Variants in DCDC2 observed in about 807,000 individuals in gnomAD.
DCDC2 encodes doublecortin domain containing 2, also known as doublecortin domain-containing protein 2.
A neutral mutation model predicts 50.2 loss-of-function variants in DCDC2; 40 were observed. The ratio of observed to expected loss-of-function variants is 0.80; its 90% CI spans 0.62 to 1.04. DCDC2 has a LOEUF of 1.04. Ranked by LOEUF, DCDC2 falls within the 50% of genes least tolerant of loss-of-function variation. The pLI, the probability that DCDC2 is intolerant of heterozygous loss-of-function variation, is 0.00. For synonymous variants in DCDC2, 234 were observed against 210.6 expected (o/e 1.11, Z -0.96); for missense variants, 570 against 581.9 (o/e 0.98, Z 0.21).
At chr6:24,185,724 C>CAT (rs1761188670) in intron 8 of DCDC2, among the ~76,000 whole-genome samples, 2 of 140,026 alleles carry the variant, frequency 1.4e-5, no homozygotes, top group African/African-American at 5.7e-5. Flanking sequence ...CACACACACA[C>CAT]ACATATACAC....
At chr6:24,248,204 T>C (rs191177607) in intron 7 of DCDC2, among the ~76,000 whole-genome samples, 3 of 152,350 alleles carry the variant, frequency 2.0e-5, no homozygotes, top group Admixed American at 6.5e-5. Context: ...AATGAAAATA[T>C]GCTGTGAAGT....
At chr6:24,285,331 T>G (rs1316961423) in intron 6 of DCDC2, among the ~76,000 whole-genome samples, 1 of 152,256 alleles carries the variant, frequency 6.6e-6, no homozygotes, top group Non-Finnish European at 1.5e-5. Context: ...ACTGAGTCTT[T>G]GCTTAACGTC....
chr6:24,374,683 A>G, the DCDC2 span, among the ~76,000 whole-genome samples: 2 of 151,970 alleles, frequency 1.3e-5, no homozygotes, highest in African/African-American at 4.8e-5. Context: ...GATGAACAGG[A>G]AATAAAAGCA....
chr6:24,222,194 C>A (rs1762133426), intron 7 of DCDC2, among the ~76,000 whole-genome samples: 1 of 151,966 alleles, frequency 6.6e-6, no homozygotes, highest in Admixed American at 6.6e-5. Flanking sequence ...GAGAAGAGAG[C>A]CATTAATTTA....
Position 24,282,264 on chromosome 6 carries a change from T to C in DCDC2, c.760-4053A>G, listed in dbSNP as rs952924870. On this transcript the variant is annotated intron_variant, in intron 6 of 9. Coordinates refer to ENST00000378454, the MANE Select transcript of DCDC2 (RefSeq NM_016356.5). ...GGATATTTTTTGTTTTGTTTTTTTTTGAGACTCTCACCCTACTGCCCAGGC... is the reference window on the plus strand; with the variant it reads ...GGATATTTTTTGTTTTGTTTTTTTTCGAGACTCTCACCCTACTGCCCAGGC... 3.9e-5 allele frequency among the ~76,000 whole-genome samples: 6 copies of C among 151,936 alleles called. No homozygotes were observed. The East Asian group carries it at 1.2e-3, about 29-fold the overall frequency.
intron 4 of DCDC2, among the ~76,000 whole-genome samples, chr6:24,294,575 C>T (rs1287732773): frequency 6.6e-6 from 1 of 151,842 alleles, no homozygotes; most frequent in Admixed American, 6.6e-5. Flanking sequence ...AGGCCACCGG[C>T]TGAATTAATA....
chr6:24,317,275 A>C (rs1759689486), intron 2 of DCDC2, among the ~76,000 whole-genome samples: 1 of 152,068 alleles, frequency 6.6e-6, no homozygotes, highest in Admixed American at 6.6e-5. Flanking sequence ...GCAGGGTGGT[A>C]CTTGTGCATA....
intron 7 of DCDC2, among the ~76,000 whole-genome samples, chr6:24,219,520 C>T (rs1028756521): frequency 1.3e-5 from 2 of 152,114 alleles, no homozygotes; most frequent in African/African-American, 4.8e-5. Flanking sequence ...CAACCATGAC[C>T]CATTAGTAGA....
chr6:24,242,270 T>A (rs562889277), intron 7 of DCDC2, among the ~76,000 whole-genome samples: 3 of 152,282 alleles, frequency 2.0e-5, no homozygotes, highest in Non-Finnish European at 4.4e-5. Context: ...CCAATCTCCC[T>A]AGACAGGTCA....
chr6:24,217,785 T>C (rs1439806146), intron 7 of DCDC2, among the ~76,000 whole-genome samples: 1 of 152,210 alleles, frequency 6.6e-6, no homozygotes, highest in African/African-American at 2.4e-5. Flanking sequence ...GGATGATAAA[T>C]TTTTATCAGA....
intron 7 of DCDC2, among the ~76,000 whole-genome samples, chr6:24,224,448 A>G (rs707885): frequency 0.85 from 129,620 of 152,164 alleles, 55,773 homozygotes; most frequent in Non-Finnish European, 0.91. Flanking sequence ...AACACCTAAG[A>G]TGAAGAGCTT....
rs182866125 is a variant in DCDC2, at chr6:24,172,720, G to A, written c.*2010C>T. The A allele has an allele frequency of 6.6e-6, 1 of 152,192 alleles. No homozygotes were observed. The highest frequency in any genetic ancestry group is 1.5e-5 in the Non-Finnish European group (1 of 68,008). 9.4% of individuals were successfully genotyped at this position (152,192 alleles called of 1,614,324 possible). On this transcript the variant is annotated 3_prime_UTR_variant, in exon 10 of 10. Transcript: ENST00000378454. Reference sequence around the variant, plus strand: ...ATTAAAAGACCAACTGGGACCGGGTGCTGTGGCTCACACCTGTAATCCCAG... The same window carrying A: ...ATTAAAAGACCAACTGGGACCGGGTACTGTGGCTCACACCTGTAATCCCAG...
At chr6:24,250,792 C>T (rs1762779883) in intron 7 of DCDC2, among the ~76,000 whole-genome samples, 1 of 151,962 alleles carries the variant, frequency 6.6e-6, no homozygotes, top group Non-Finnish European at 1.5e-5. Context: ...AGCACTCCTA[C>T]ACCAGGCACC....
At chr6:24,220,887 A>AGAGCGAGCGAGTGAGCGAGCGAGC (rs879543671) in intron 7 of DCDC2, among the ~76,000 whole-genome samples, 3 of 114,848 alleles carry the variant, frequency 2.6e-5, no homozygotes, top group African/African-American at 1.1e-4. Flanking sequence ...CGAGAGCGAG[A>AGAGCGAGCGAGTGAGCGAGCGAGC]GAGTGAGCGA....
chr6:24,375,443 C>T, the DCDC2 span, among the ~76,000 whole-genome samples: 1 of 151,924 alleles, frequency 6.6e-6, no homozygotes, highest in Non-Finnish European at 1.5e-5. Context: ...CCGCTTCTTA[C>T]ATATTTAGGG....
intron 2 of DCDC2, among the ~76,000 whole-genome samples, chr6:24,332,759 A>G (rs1395065366): frequency 1.3e-5 from 2 of 152,212 alleles, no homozygotes; most frequent in South Asian, 2.1e-4. Flanking sequence ...CCATTTTCAT[A>G]TATTAGGAAA....
intron 8 of DCDC2, among the ~76,000 whole-genome samples, chr6:24,200,308 T>C (rs1391478831): frequency 6.6e-6 from 1 of 152,160 alleles, no homozygotes; most frequent in Non-Finnish European, 1.5e-5. Context: ...CAGCAGTGAA[T>C]CTCTCTGCAG....
intron 7 of DCDC2, among the ~76,000 whole-genome samples, chr6:24,265,485 A>C (rs1763099307): frequency 6.6e-6 from 1 of 152,222 alleles, no homozygotes; most frequent in African/African-American, 2.4e-5. Flanking sequence ...CACATGGATC[A>C]TTCTCAAGGA....
At chr6:24,363,030 A>C (rs752596183), upstream of DCDC2, among the ~76,000 whole-genome samples, 2 of 152,212 alleles carry the variant, frequency 1.3e-5, no homozygotes, top group African/African-American at 2.4e-5. Context: ...GAGGAGCGGA[A>C]TGCTAAGGAA....
Sources: gnomAD v4.1 joint callset for allele counts (sites outside exome capture counted in the v4.1 genomes callset) on GRCh38, gnomAD v4.1.1 for gene constraint, MANE v1.5 for transcripts, NCBI Gene and HGNC (gene_info 2026-07-23, HGNC 2026-07-21) for gene names.